The following SHOC1 variants were observed in gnomAD, a reference collection of about 807,000 sequenced individuals.
The protein encoded by SHOC1 is shortage in chiasmata 1.
A neutral mutation model predicts 179.2 loss-of-function variants in SHOC1; 136 were observed. The observed-to-expected ratio is 0.76, with a 90% CI of 0.66 to 0.87. The LOEUF (loss-of-function observed/expected upper bound fraction) is 0.87, where lower values mean the gene tolerates loss of function less well. Ranked by LOEUF, SHOC1 falls within the 40% of genes least tolerant of loss-of-function variation. SHOC1 has a pLI of 0.00. For synonymous variants in SHOC1, 489 were observed against 586.6 expected (o/e 0.83, Z 2.41); for missense variants, 1,538 against 1,700.8 (o/e 0.90, Z 1.68).
intron 5 of SHOC1, 29 bp from the exon 6 acceptor site, chr9:111,758,877 T>C (rs1194310810): frequency 7.5e-7 from 1 of 1,329,434 alleles, no homozygotes; most frequent in Non-Finnish European, 1.0e-6. Context: ...TATAAAGGAA[T>C]AAGAAAAAAA....
chr9:111,739,875 A>T (rs1000137704), intron 11 of SHOC1, among the ~76,000 whole-genome samples: 2 of 147,642 alleles, frequency 1.4e-5, no homozygotes, highest in Non-Finnish European at 3.0e-5. Context: ...AAGGTCTTTG[A>T]AGCACGAGTT....
chr9:111,708,211 T>A (rs940109307), intron 18 of SHOC1, among the ~76,000 whole-genome samples: 21 of 142,382 alleles, frequency 1.5e-4, no homozygotes, highest in East Asian at 1.2e-3. Flanking sequence ...TTTTATTTTT[T>A]ATTTTTTTTG....
At chr9:111,748,568 C>T (rs1182507125) in intron 8 of SHOC1, among the ~76,000 whole-genome samples, 1 of 152,150 alleles carries the variant, frequency 6.6e-6, no homozygotes, top group Non-Finnish European at 1.5e-5. Flanking sequence ...CTTTCTATGC[C>T]TTGCTTAGCT....
At chr9:111,719,375 C>T (rs1337579) in intron 15 of SHOC1, among the ~76,000 whole-genome samples, 124,108 of 152,086 alleles carry the variant, frequency 0.82, 50,839 homozygotes, top group East Asian at 0.92. Flanking sequence ...ATTGTTCCAA[C>T]TGGATACCCA....
At chr9:111,743,009 CAGTT>C in intron 10 of SHOC1, among the ~76,000 whole-genome samples, 1 of 152,162 alleles carries the variant, frequency 6.6e-6, no homozygotes, top group Non-Finnish European at 1.5e-5. Flanking sequence ...AGTCAGCAGT[CAGTT>C]AGTAGCTTAA....
intron 16 of SHOC1, 46 bp from the exon 17 acceptor site, chr9:111,714,669 T>A: frequency 6.6e-7 from 1 of 1,510,636 alleles, no homozygotes; most frequent in South Asian, 1.2e-5. Flanking sequence ...ATTTGTTTTT[T>A]AAGAAACTCC....
intron 27 of SHOC1, among the ~76,000 whole-genome samples, chr9:111,689,301 C>G (rs929134566): frequency 6.7e-6 from 1 of 149,800 alleles, no homozygotes; most frequent in Non-Finnish European, 1.5e-5. Flanking sequence ...AGGGATGATT[C>G]AGCCTGGGTG....
chr9:111,723,449 A>G (rs1044054336), intron 14 of SHOC1, among the ~76,000 whole-genome samples: 3 of 152,246 alleles, frequency 2.0e-5, no homozygotes, highest in Admixed American at 2.0e-4. Context: ...TCACTCTGAT[A>G]GCAGGTAAGA....
At chr9:111,743,488 G>A (rs1402537933) in intron 10 of SHOC1, among the ~76,000 whole-genome samples, 1 of 152,108 alleles carries the variant, frequency 6.6e-6, no homozygotes, top group South Asian at 2.1e-4. Context: ...CACACTATAT[G>A]TACTCACTAC....
Position 111,748,113 on chromosome 9 carries a change from G to T in SHOC1, c.949C>A (p.Pro317Thr), listed in dbSNP as rs144324654. ...CTACCTGGTTTACTGCACTCTTCTG[G>T]TTCACTCTGGCTTTGAATGGTCAAA... ...EILTIQSQSE[P>T]EECSKPGELE... Residue 317 changes from proline (P) to threonine (T), a missense_variant, in exon 9 of 28, where the codon CCA (proline) becomes ACA (threonine). Pro to Thr is a conservative substitution (Grantham distance 38, BLOSUM62 -1). Coordinates refer to ENST00000682961, the MANE Select transcript of SHOC1 (RefSeq NM_001378211.1). The T allele has an allele frequency of 2.8e-4, 459 of 1,612,952 alleles. No individual in the cohort carries two copies. The highest frequency in any genetic ancestry group is 3.8e-4 in the Non-Finnish European group (443 of 1,179,370).
At chr9:111,788,527 A>G (rs1186566759) in intron 2 of SHOC1, among the ~76,000 whole-genome samples, 1 of 152,232 alleles carries the variant, frequency 6.6e-6, no homozygotes, top group African/African-American at 2.4e-5. Flanking sequence ...CACATAACTG[A>G]GAAAGTCAAG....
chr9:111,738,711 T>C (rs1172481267), intron 11 of SHOC1, among the ~76,000 whole-genome samples, 189 bp from the exon 12 acceptor site: 1 of 152,180 alleles, frequency 6.6e-6, no homozygotes, highest in Non-Finnish European at 1.5e-5. Context: ...GTTTAAGCTA[T>C]TGTAGCAGTA....
intron 18 of SHOC1, among the ~76,000 whole-genome samples, chr9:111,708,206 T>G (rs1832369069): frequency 6.7e-6 from 1 of 148,324 alleles, no homozygotes; most frequent in Admixed American, 6.6e-5. Context: ...TTATTTTTTA[T>G]TTTTTATTTT....
chr9:111,754,776 A>G (rs983132978), intron 8 of SHOC1, among the ~76,000 whole-genome samples: 3 of 152,230 alleles, frequency 2.0e-5, no homozygotes, highest in African/African-American at 7.2e-5. Flanking sequence ...AGCCATAAAA[A>G]TGAATGAAGT....
At chr9:111,734,946 T>C (rs896308745) in intron 12 of SHOC1, among the ~76,000 whole-genome samples, 1 of 152,180 alleles carries the variant, frequency 6.6e-6, no homozygotes, top group African/African-American at 2.4e-5. Context: ...TAGTACTCAA[T>C]AGTTAGTTTT....
chr9:111,690,415 C>A (rs1217544866), intron 27 of SHOC1, among the ~76,000 whole-genome samples: 2 of 151,918 alleles, frequency 1.3e-5, no homozygotes, highest in African/African-American at 4.8e-5. Context: ...CAGAGGGAGA[C>A]CTTGTCTTAA....
At chr9:111,746,697 T>C (rs1484326567) in intron 9 of SHOC1, among the ~76,000 whole-genome samples, 2 of 152,092 alleles carry the variant, frequency 1.3e-5, no homozygotes, top group African/African-American at 2.4e-5. Flanking sequence ...AAAAATTAAG[T>C]ATAATTTAGA....
At chr9:111,690,495 T>C (rs1191848704) in intron 27 of SHOC1, among the ~76,000 whole-genome samples, 1 of 152,094 alleles carries the variant, frequency 6.6e-6, no homozygotes, top group East Asian at 1.9e-4. Context: ...AAATAAAGAA[T>C]CACCCCTCAA....
At position 111,786,027 on chromosome 9, in the gene SHOC1, A is replaced by T. The variant is rs1314535671; in HGVS notation, c.54T>A (p.Val18=). ...HAIDYLYENV[V]RKKFYRDALL... ...AAGCATCTCTGTAAAACTTCTTTCT[A>T]ACCACATTCTGTGGAAGAAAGAAAG... Residue 18 remains valine (V), a synonymous_variant, in exon 3 of 28, where the codon GTT becomes GTA. Transcript: ENST00000682961. 14 of 1,489,280 alleles carry T rather than the reference A, an allele frequency of 9.4e-6. No individual in the cohort carries two copies. Among genetic ancestry groups the T allele is most frequent in the Non-Finnish European group, 1.2e-5 (14 of 1,122,250 alleles). The allele number at this position is 1,489,280 out of a possible 1,614,324, so 92.3% of individuals were successfully genotyped here. A position where few individuals can be genotyped will look rare whatever the true frequency, so the allele number is the denominator to read the frequency against.
Sources: gnomAD v4.1 joint callset for allele counts (sites outside exome capture counted in the v4.1 genomes callset) on GRCh38, gnomAD v4.1.1 for gene constraint, MANE v1.5 for transcripts, NCBI Gene and HGNC (gene_info 2026-07-23, HGNC 2026-07-21) for gene names.